PARD3B: variants seen among roughly 807,000 people sequenced by gnomAD.
The protein encoded by PARD3B is par-3 family cell polarity regulator beta, also known as partitioning defective 3 homolog B.
PARD3B carries 103 observed loss-of-function variants against 130.2 expected under a neutral mutation model. That is an observed-to-expected ratio of 0.79 (90% confidence interval 0.67 to 0.93). PARD3B has a LOEUF of 0.93. PARD3B is among the 40% of genes least tolerant of loss of function. The pLI is 0.00. For synonymous variants in PARD3B, 583 were observed against 553.2 expected, an observed-to-expected ratio of 1.05 and a Z score of -0.76; for missense variants, 1,609 against 1,499.2, an observed-to-expected ratio of 1.07 and a Z score of -1.21.
At chr2:205,236,285 T>G (rs915248314) in intron 15 of PARD3B, among the ~76,000 whole-genome samples, 94 of 152,304 alleles carry the variant, frequency 6.2e-4, no homozygotes, top group African/African-American at 2.2e-3. Context: ...ATAACAATTC[T>G]ACAGACATTC....
intron 1 of PARD3B, among the ~76,000 whole-genome samples, chr2:204,563,041 C>T (rs1410847474): frequency 8.5e-5 from 13 of 152,124 alleles, no homozygotes; most frequent in South Asian, 2.1e-4. Context: ...TATTTTCTCA[C>T]AGTTCTAAAG....
intron 2 of PARD3B, among the ~76,000 whole-genome samples, chr2:204,902,725 C>T (rs1481070916): frequency 6.6e-6 from 1 of 151,450 alleles, no homozygotes; most frequent in Non-Finnish European, 1.5e-5. Context: ...AGAGTTATCT[C>T]CTAAGCATTT....
chr2:204,850,127 T>G (rs1178198406), intron 2 of PARD3B, among the ~76,000 whole-genome samples: 2 of 152,182 alleles, frequency 1.3e-5, no homozygotes, highest in East Asian at 3.9e-4. Flanking sequence ...TTGGCAAAAT[T>G]CCAGTATTTG....
intron 16 of PARD3B, among the ~76,000 whole-genome samples, chr2:205,250,068 A>G (rs1409968795): frequency 2.0e-5 from 3 of 151,834 alleles, no homozygotes; most frequent in African/African-American, 7.2e-5. Flanking sequence ...TTTTATTGTT[A>G]TGCTTTAATT....
At chr2:204,992,370 C>T (rs1280594280) in intron 3 of PARD3B, among the ~76,000 whole-genome samples, 1 of 123,994 alleles carries the variant, frequency 8.1e-6, no homozygotes, top group Non-Finnish European at 1.7e-5. Context: ...TCAGGTTTGT[C>T]AAAGATCAGA....
rs2033050661 is a variant in PARD3B at position 205,142,623 on chromosome 2, T to C, written c.1435-16099T>C. Among the ~76,000 whole-genome samples the C allele has an allele frequency of 6.6e-6, 1 of 152,120 alleles. No homozygotes were observed. The highest frequency in any genetic ancestry group is 2.1e-4 in the South Asian group (1 of 4,824). ...AACCAGGCACAGTGGCTCACGCCTG[T>C]AATCCCAACACTTTGGGAGGCCGAG... is the stretch of plus-strand genomic sequence containing the variant. On this transcript the variant is annotated intron_variant, in intron 10 of 22. Coordinates refer to ENST00000406610, the MANE Select transcript of PARD3B (RefSeq NM_001302769.2). The surrounding 1 kb of genome is among the most constrained non-coding windows in gnomAD (Gnocchi z 4.3).
rs12614983 is a variant in PARD3B at position 205,589,635 on chromosome 2, T to C, written c.3261-25821T>C. Among the ~76,000 whole-genome samples the C allele has an allele frequency of 0.65, 99,287 of 152,066 alleles. 32,610 individuals are homozygous for C. Among genetic ancestry groups the C allele is most frequent in the East Asian group, 0.81 (4,179 of 5,160 alleles). On this transcript the variant is annotated intron_variant, in intron 22 of 22. Transcript: ENST00000406610. This position sits in a 1 kb window ranked among gnomAD's most constrained non-coding sequence, Gnocchi z 4.1. ...TGTCTTGGCATGTTTTCTATTTATA[T>C]AACTAATTGCAAATTAATTGCACCC...
intron 22 of PARD3B, among the ~76,000 whole-genome samples, chr2:205,578,151 G>GCAA (rs1214575460): frequency 6.6e-6 from 1 of 152,094 alleles, no homozygotes; most frequent in East Asian, 1.9e-4. Flanking sequence ...CTGATAAGCT[G>GCAA]CAACATCTGC....
chr2:205,180,930 AC>A (rs1349493572), intron 13 of PARD3B, among the ~76,000 whole-genome samples: 3 of 152,142 alleles, frequency 2.0e-5, no homozygotes, highest in African/African-American at 7.2e-5. Context: ...AAATGCACCA[AC>A]ACTGTATTTT....
In PARD3B at chr2:204,775,674, C is replaced by G. The variant is rs1001290286; in HGVS notation, c.222+89392C>G. Among the ~76,000 whole-genome samples, 3 of 152,060 alleles carry G rather than the reference C, an allele frequency of 2.0e-5. No individual in the cohort carries two copies. The East Asian group carries it at 5.8e-4, about 29-fold the overall frequency. ...TCTGAGTCTACTAAAGCATGTAATC[C>G]TCTTTGTTTACCTCCCCATTTTAAA... On this transcript the variant is annotated intron_variant, in intron 2 of 22. Coordinates refer to ENST00000406610, the MANE Select transcript of PARD3B (RefSeq NM_001302769.2).
At chr2:204,670,781 T>C (rs1356766930) in intron 1 of PARD3B, among the ~76,000 whole-genome samples, 2 of 152,192 alleles carry the variant, frequency 1.3e-5, no homozygotes, top group African/African-American at 4.8e-5. Context: ...TGGTTGCCTT[T>C]TGTCTCGTGC....
chr2:205,303,882 CT>C (rs2042098575), intron 18 of PARD3B, among the ~76,000 whole-genome samples: 1 of 152,184 alleles, frequency 6.6e-6, no homozygotes, highest in Non-Finnish European at 1.5e-5. Flanking sequence ...AGAAGTACCC[CT>C]TTCTATTACT....
At chr2:205,483,445 GT>G (rs1360679975) in intron 20 of PARD3B, among the ~76,000 whole-genome samples, 3 of 152,212 alleles carry the variant, frequency 2.0e-5, no homozygotes, top group African/African-American at 7.2e-5. Context: ...GCAGCTGACA[GT>G]TAAAAAGATA....
chr2:204,576,515 CAT>C (rs1444862876), intron 1 of PARD3B, among the ~76,000 whole-genome samples: 1 of 152,062 alleles, frequency 6.6e-6, no homozygotes, highest in African/African-American at 2.4e-5. Flanking sequence ...TGACAGCATG[CAT>C]GTGTGTGTGC....
intron 10 of PARD3B, among the ~76,000 whole-genome samples, chr2:205,133,835 T>G (rs2032236693): frequency 6.6e-6 from 1 of 152,208 alleles, no homozygotes; most frequent in Admixed American, 6.5e-5. Context: ...GCTTTAAAAT[T>G]TCCACACTCA....
chr2:205,390,202 A>G (rs1395044415), intron 18 of PARD3B, among the ~76,000 whole-genome samples: 1 of 151,682 alleles, frequency 6.6e-6, no homozygotes, highest in Non-Finnish European at 1.5e-5. Flanking sequence ...TTTATGACAC[A>G]ATGGAAAAGT....
intron 1 of PARD3B, among the ~76,000 whole-genome samples, chr2:204,621,368 A>G (rs1219306672): frequency 6.6e-6 from 1 of 152,028 alleles, no homozygotes; most frequent in Non-Finnish European, 1.5e-5. Context: ...GCTCCTACCT[A>G]CCCTTTAAAA....
chr2:204,951,226 A>T (rs1471672380), intron 2 of PARD3B, among the ~76,000 whole-genome samples: 1 of 152,200 alleles, frequency 6.6e-6, no homozygotes, highest in Non-Finnish European at 1.5e-5. Context: ...CAAGGTCTAG[A>T]CATTTTCATT....
At position 205,269,555 on chromosome 2, in the gene PARD3B, A is replaced by G. The variant is rs1043559573; in HGVS notation, c.2185+23733A>G. Among the ~76,000 whole-genome samples the G allele has an allele frequency of 5.3e-5, 8 of 152,158 alleles. No homozygotes were observed. Among genetic ancestry groups the G allele is most frequent in the African/African-American group, 1.2e-4 (5 of 41,516 alleles). ...TTTTTTTAAAGTTCCTTCAGGGGCA[A>G]TTGGGCTGCTGGGCTGCTGATTCTC... On this transcript the variant is annotated intron_variant, in intron 16 of 22. Coordinates refer to ENST00000406610, the MANE Select transcript of PARD3B (RefSeq NM_001302769.2). The surrounding 1 kb of genome is among the most constrained non-coding windows in gnomAD (Gnocchi z 4.7).
Sources: gnomAD v4.1 joint callset for allele counts (sites outside exome capture counted in the v4.1 genomes callset) on GRCh38, gnomAD v4.1.1 for gene constraint, Gnocchi (gnomAD v3.1) non-coding constraint, MANE v1.5 for transcripts, NCBI Gene and HGNC (gene_info 2026-07-23, HGNC 2026-07-21) for gene names.